Variants in CEP70 observed in about 807,000 individuals in gnomAD.
CEP70 encodes the protein centrosomal protein 70.
CEP70 carries 70 observed loss-of-function variants against 90.9 expected under a neutral mutation model. The ratio of observed to expected loss-of-function variants is 0.77; its 90% confidence interval spans 0.64 to 0.94. The LOEUF is 0.94. Ranked by LOEUF, CEP70 falls within the 40% of genes least tolerant of loss-of-function variation. The probability of loss-of-function intolerance (pLI) is 0.00; values close to 1 mark genes in which losing one functional copy is unlikely to be tolerated. For missense variants in CEP70, 648 were observed against 669.0 expected (o/e 0.97, Z 0.35); for synonymous variants, 220 against 228.3 (o/e 0.96, Z 0.33).
chr3:138,497,683 A>G (rs554123868), intron 17 of CEP70: 4 of 975,290 alleles, frequency 4.1e-6, no homozygotes, highest in African/African-American at 3.6e-5. Context: ...GTATCTTAAG[A>G]AAAAAAAAGG....
At chr3:138,545,818 C>T (rs912619482) in intron 6 of CEP70, among the ~76,000 whole-genome samples, 1 of 152,048 alleles carries the variant, frequency 6.6e-6, no homozygotes, top group African/African-American at 2.4e-5. Flanking sequence ...CCTGCAGTAC[C>T]CTCAGGCTTA....
chr3:138,526,734 T>C (rs983616466), intron 10 of CEP70, among the ~76,000 whole-genome samples: 15 of 152,294 alleles, frequency 9.8e-5, no homozygotes, highest in Admixed American at 2.6e-4. Context: ...CAGTATAATT[T>C]GAGAATGAGA....
At chr3:138,542,042 C>T (rs1188054002) in intron 6 of CEP70, among the ~76,000 whole-genome samples, 1 of 152,204 alleles carries the variant, frequency 6.6e-6, no homozygotes, top group African/African-American at 2.4e-5. Context: ...GCCCACTCGG[C>T]CTGGCAGGCT....
chr3:138,522,518 G>C (rs563924530), intron 11 of CEP70, among the ~76,000 whole-genome samples: 1 of 151,920 alleles, frequency 6.6e-6, no homozygotes, highest in Non-Finnish European at 1.5e-5. Context: ...TCAAATAGAC[G>C]CAACAAAAAA....
chr3:138,563,022 T>C (rs2040518935), intron 6 of CEP70, among the ~76,000 whole-genome samples: 1 of 149,640 alleles, frequency 6.7e-6, no homozygotes, highest in South Asian at 2.1e-4. Flanking sequence ...ACCAAGTAAA[T>C]GGAAAGCAAA....
chr3:138,540,267 A>G (rs2038644290), intron 6 of CEP70, among the ~76,000 whole-genome samples: 1 of 152,100 alleles, frequency 6.6e-6, no homozygotes, highest in Non-Finnish European at 1.5e-5. Flanking sequence ...GGCTGAGGCA[A>G]GTGGATCACC....
chr3:138,585,568 C>T (rs1202806617), intron 2 of CEP70, among the ~76,000 whole-genome samples: 1 of 152,054 alleles, frequency 6.6e-6, no homozygotes, highest in Non-Finnish European at 1.5e-5. Context: ...GCACAAAAGA[C>T]CCAGAATAGC....
intron 17 of CEP70, chr3:138,497,766 A>G: frequency 1.0e-6 from 1 of 985,404 alleles, no homozygotes; most frequent in Non-Finnish European, 1.2e-6. Flanking sequence ...GCCAGGGTTA[A>G]ACTAGGCATG....
At chr3:138,495,410 C>T (rs1008466538) in intron 17 of CEP70, among the ~76,000 whole-genome samples, 1 of 152,200 alleles carries the variant, frequency 6.6e-6, no homozygotes, top group African/African-American at 2.4e-5. Context: ...TATCACTACA[C>T]GGGTGCATCT....
Position 138,570,342 on chromosome 3 carries a change from A to G in CEP70, c.441T>C (p.Leu147=). The G allele has an allele frequency of 6.3e-7, 1 of 1,585,012 alleles. No homozygotes were observed. Among genetic ancestry groups the G allele is most frequent in the East Asian group, 2.3e-5 (1 of 43,322 alleles). ...CCTGTAAAGTTTTCTGCTCCTTTTG[A>G]AGATCTTTTATTTTATTCTGTTGGT... ...ACHQQNKIKD[L]QKEQKTLQVK... The change falls in exon 6 of 18, where the codon CTT becomes CTC. Residue 147 remains leucine (L), a synonymous_variant. Transcript: ENST00000264982.
rs145045833 is a variant in CEP70 at position 138,538,256 on chromosome 3, A to C, written c.466-909T>G. ...GCCTGCAAAATCTGCTTGGTATCTC[A>C]GCCAAAGAAGATGCTAAATCAGAGT... On this transcript the variant is annotated intron_variant, in intron 6 of 17. Transcript: ENST00000264982. Among the ~76,000 whole-genome samples, 134 of 152,322 alleles carry C rather than the reference A, an allele frequency of 8.8e-4. No homozygotes were observed. The Middle Eastern group carries it at 0.017, about 19-fold the overall frequency.
intron 7 of CEP70, among the ~76,000 whole-genome samples, chr3:138,533,285 G>GAAAAAA (rs373709796): frequency 1.1e-5 from 1 of 88,140 alleles, no homozygotes; most frequent in African/African-American, 4.3e-5. Context: ...ATCTCAAAAA[G>GAAAAAA]AAAAAAAAAA....
intron 11 of CEP70, among the ~76,000 whole-genome samples, chr3:138,519,560 G>A (rs2036400700): frequency 6.6e-6 from 1 of 152,154 alleles, no homozygotes. Flanking sequence ...TTTCAACCCA[G>A]AATTTCACAT....
chr3:138,496,703 A>G (rs76748206), intron 17 of CEP70: 1 of 985,272 alleles, frequency 1.0e-6, no homozygotes, highest in Non-Finnish European at 1.2e-6. Flanking sequence ...GACACCTATT[A>G]ATTAAAAAAA....
chr3:138,536,313 C>G (rs1450471871), intron 7 of CEP70, among the ~76,000 whole-genome samples: 2 of 152,018 alleles, frequency 1.3e-5, no homozygotes, highest in African/African-American at 4.8e-5. Flanking sequence ...GAAAACACAA[C>G]TTCTCTGAAT....
chr3:138,566,550 T>A (rs2040802696), intron 6 of CEP70, among the ~76,000 whole-genome samples: 3 of 151,838 alleles, frequency 2.0e-5, no homozygotes, highest in Non-Finnish European at 2.9e-5. Context: ...CTGAGCAAAC[T>A]AACACAAGAA....
chr3:138,571,044 G>T lies in CEP70; in HGVS notation c.274C>A (p.Gln92Lys). Reference sequence around the variant, plus strand: ...TTTCCATTTTCTCACCTAAGCTGTTGATTAGTTTCTATAAGCTCCTGTATC... The same window carrying T: ...TTTCCATTTTCTCACCTAAGCTGTTTATTAGTTTCTATAAGCTCCTGTATC... Reference protein sequence around the residue: ...NMIQELIETNQQLRNELQLEQ... With the variant: ...NMIQELIETNKQLRNELQLEQ... Residue 92 changes from glutamine (Q) to lysine (K), a missense_variant, in exon 5 of 18, where the codon CAA (glutamine) becomes AAA (lysine). Physicochemically the swap from Gln to Lys is moderately conservative, Grantham distance 53 (BLOSUM62 1). Coordinates refer to ENST00000264982, the MANE Select transcript of CEP70 (RefSeq NM_024491.4). 6.3e-7 allele frequency: 1 copy of T among 1,583,846 alleles called. No homozygotes were observed. Among genetic ancestry groups the T allele is most frequent in the South Asian group, 1.2e-5 (1 of 83,736 alleles).
intron 6 of CEP70, among the ~76,000 whole-genome samples, chr3:138,568,319 T>C (rs1229955798): frequency 6.6e-6 from 1 of 152,230 alleles, no homozygotes; most frequent in Non-Finnish European, 1.5e-5. Context: ...CTCTCATGTA[T>C]CTGTTCTTTG....
chr3:138,558,187 A>C (rs1050682939), intron 6 of CEP70, among the ~76,000 whole-genome samples: 1 of 152,178 alleles, frequency 6.6e-6, no homozygotes, highest in East Asian at 1.9e-4. Context: ...CAACATGGTG[A>C]AACCCTGTTT....
Sources: gnomAD v4.1 joint callset for allele counts (sites outside exome capture counted in the v4.1 genomes callset) on GRCh38, gnomAD v4.1.1 for gene constraint, MANE v1.5 for transcripts, NCBI Gene and HGNC (gene_info 2026-07-23, HGNC 2026-07-21) for gene names.